The following CCNT1 variants were observed in gnomAD, a reference collection of about 807,000 sequenced individuals.
The protein encoded by CCNT1 is cyclin T1.
CCNT1 carries 18 observed loss-of-function variants against 67.3 expected under a neutral mutation model. The observed-to-expected ratio is 0.27, with a 90% CI of 0.18 to 0.40. CCNT1 has a LOEUF of 0.40. CCNT1 is among the 10% of genes least tolerant of loss of function. The pLI is 1.00. For missense variants in CCNT1, 744 were observed against 884.9 expected, an observed-to-expected ratio of 0.84 and a Z score of 2.02; for synonymous variants, 333 against 310.3, an observed-to-expected ratio of 1.07 and a Z score of -0.77.
Position 48,691,488 on chromosome 12 carries a change from G to A in CCNT1, c.*1545C>T, listed in dbSNP as rs953222125. On this transcript the variant is annotated 3_prime_UTR_variant, in exon 9 of 9. Transcript: ENST00000261900. ...TATCTCATTAAATGATCTCTGGCTA[G>A]GTAGTTTTCAGTGGTTAGACAACTA... 1 of 152,170 alleles carries A rather than the reference G, an allele frequency of 6.6e-6. No homozygotes were observed. Among genetic ancestry groups the A allele is most frequent in the Non-Finnish European group, 1.5e-5 (1 of 68,038 alleles). The allele number at this position is 152,170 out of a possible 1,614,324, so 9.4% of individuals were successfully genotyped here.
rs1393778383 is a variant in CCNT1, at chr12:48,701,072, G to A, written c.374C>T (p.Ala125Val). 1.6e-5 allele frequency: 26 copies of A among 1,579,528 alleles called. No homozygotes were observed. Among genetic ancestry groups the A allele is most frequent in the Non-Finnish European group, 2.2e-5 (26 of 1,157,014 alleles). Residue 125 changes from alanine (A) to valine (V), a missense_variant and splice_region_variant, in exon 4 of 9, where the codon GCT becomes GTT. Transcript: ENST00000261900. ...CAGATCTTGAACTTGTTGCAAATAA[G>A]CCTAAAAGTGAGAAGACAGAAATTA... is the stretch of plus-strand genomic sequence containing the variant. ...QESLPDTRSE[A>V]YLQQVQDLVI...
chr12:48,698,264 G>T, intron 5 of CCNT1, 81 bp from the exon 6 acceptor site: 2 of 1,027,814 alleles, frequency 1.9e-6, no homozygotes, highest in Non-Finnish European at 2.9e-6. Context: ...TATTTAGTAA[G>T]CATTTAATAT....
At position 48,698,300 on chromosome 12, in the gene CCNT1, C is replaced by T. The variant is rs114124849; in HGVS notation, c.497-117G>A. ...TTGCAAGGTACTGTGAATATAGTGG[C>T]AAATGAGACACACATGGTCCCTGTA... On this transcript the variant is annotated intron_variant, in intron 5 of 8. Coordinates refer to ENST00000261900, the MANE Select transcript of CCNT1 (RefSeq NM_001240.4). 501 of 645,434 alleles carry T rather than the reference C, an allele frequency of 7.8e-4. 3 individuals are homozygous for T. In the African/African-American group the frequency reaches 8.4e-3, roughly 11 times the overall value. 40.0% of individuals were successfully genotyped at this position (645,434 alleles called of 1,614,324 possible). A position where few individuals can be genotyped will look rare whatever the true frequency, so the allele number is the denominator to read the frequency against.
At position 48,692,487 on chromosome 12, in the gene CCNT1, C is replaced by A. The variant is rs1383475405; in HGVS notation, c.*546G>T. The stretch of plus-strand genomic sequence containing the variant: ...TCCCACCCACCCTCACACATTCCCA[C>A]CCTCCAATCCCACCCACCAGGAGTT... On this transcript the variant is annotated 3_prime_UTR_variant, in exon 9 of 9. Coordinates refer to ENST00000261900, the MANE Select transcript of CCNT1 (RefSeq NM_001240.4). 1 of 150,428 alleles carries A rather than the reference C, an allele frequency of 6.6e-6. No individual in the cohort carries two copies. 9.3% of individuals were successfully genotyped at this position (150,428 alleles called of 1,614,324 possible). A position where few individuals can be genotyped will look rare whatever the true frequency, so the allele number is the denominator to read the frequency against.
intron 3 of CCNT1, among the ~76,000 whole-genome samples, chr12:48,702,469 C>CT (rs1397186586): frequency 1.3e-5 from 2 of 152,144 alleles, no homozygotes; most frequent in Non-Finnish European, 2.9e-5. Context: ...ATAAAATACA[C>CT]TGGATTTTTT....
chr12:48,702,733 C>G (rs1174677489), intron 3 of CCNT1, among the ~76,000 whole-genome samples: 2 of 151,992 alleles, frequency 1.3e-5, no homozygotes, highest in Non-Finnish European at 2.9e-5. Flanking sequence ...CAGAGAATTT[C>G]TTGAACCTGG....
chr12:48,697,522 T>TAAAAAAAAAAAAAAAA (rs1205232506), intron 6 of CCNT1, among the ~76,000 whole-genome samples: 3 of 116,804 alleles, frequency 2.6e-5, no homozygotes, highest in African/African-American at 1.0e-4. Flanking sequence ...GACTCTGTCT[T>TAAAAAAAAAAAAAAAA]AAAAAAAAAA....
At chr12:48,716,246 T>C (rs1940530277) in intron 1 of CCNT1, among the ~76,000 whole-genome samples, 1 of 151,826 alleles carries the variant, frequency 6.6e-6, no homozygotes, top group Admixed American at 6.6e-5. Flanking sequence ...GAAGACAGAG[T>C]TGGAAGGGCT....
intron 2 of CCNT1, among the ~76,000 whole-genome samples, chr12:48,713,146 ATTTCT>A (rs983531925): frequency 2.0e-5 from 3 of 151,788 alleles, no homozygotes; most frequent in African/African-American, 7.3e-5. Context: ...AAAAAATAAA[ATTTCT>A]TTATTAGTAT....
At chr12:48,699,712 C>G in intron 5 of CCNT1, 66 bp downstream of exon 5, 1 of 1,169,508 alleles carries the variant, frequency 8.6e-7, no homozygotes, top group Non-Finnish European at 1.3e-6. Flanking sequence ...GTATTGTCCA[C>G]CACAAACCAC....
At chr12:48,703,873 C>G (rs1592122845) in intron 3 of CCNT1, among the ~76,000 whole-genome samples, 2 of 151,420 alleles carry the variant, frequency 1.3e-5, no homozygotes, top group East Asian at 3.9e-4. Context: ...CCGCGGTGAG[C>G]CATGATCACA....
chr12:48,712,592 AAAT>A (rs1459573403), intron 2 of CCNT1, among the ~76,000 whole-genome samples: 554 of 43,366 alleles, frequency 0.013, 61 homozygotes, highest in African/African-American at 0.056. Flanking sequence ...AAAAAAAAAA[AAAT>A]AAAAAAAAAA....
Position 48,714,492 on chromosome 12 carries a change from T to C in CCNT1, c.194A>G (p.Tyr65Cys). The C allele has an allele frequency of 6.2e-7, 1 of 1,611,064 alleles. No homozygotes were observed. Among genetic ancestry groups the C allele is most frequent in the Non-Finnish European group, 8.5e-7 (1 of 1,177,394 alleles). The change falls in exon 2 of 9, where the codon TAC (tyrosine) becomes TGC (cysteine). Residue 65 changes from tyrosine to cysteine, a missense_variant. This residue lies in a region of CCNT1 where 142 missense variants were observed against 277.0 expected (regional missense o/e 0.51). Coordinates refer to ENST00000261900, the MANE Select transcript of CCNT1 (RefSeq NM_001240.4). ...CTGAATCATGTAGAATCGATGCATG[T>C]ATACTATAGCAGTGTTGATAGTCAA... ...SQLTINTAIV[Y>C]MHRFYMIQSF...
Position 48,693,642 on chromosome 12 carries a change from G to A in CCNT1, c.1572C>T (p.His524=). 6.2e-7 allele frequency: 1 copy of A among 1,614,178 alleles called. No individual in the cohort carries two copies. The highest frequency in any genetic ancestry group is 1.1e-5 in the South Asian group (1 of 91,078). Residue 524 remains histidine, a synonymous_variant, in exon 9 of 9, where the codon CAC becomes CAT. Coordinates refer to ENST00000261900, the MANE Select transcript of CCNT1 (RefSeq NM_001240.4). The stretch of plus-strand genomic sequence containing the variant: ...GTTGGGAATGAGAGTGCTTGTGTGA[G>A]TGGTGATTATGATGATGATGATGAT... ...PSNHHHHHNH[H]SHKHSHSQLP...
rs781088360 is a variant in CCNT1, at chr12:48,693,563, T to C, written c.1651A>G (p.Thr551Ala). ...RPGDPKHSSQ[T>A]SNLAHKTYSL... ...TAGGTTTTATGTGCTAAGTTGCTTGTCTGGCTACTATGTTTTGGATCACCA... is the reference window on the plus strand; with the variant it reads ...TAGGTTTTATGTGCTAAGTTGCTTGCCTGGCTACTATGTTTTGGATCACCA... Residue 551 changes from threonine (T) to alanine (A), a missense_variant, in exon 9 of 9, where the codon ACA becomes GCA. Transcript: ENST00000261900. The C allele has an allele frequency of 2.5e-6, 4 of 1,614,180 alleles. No individual in the cohort carries two copies. The highest frequency in any genetic ancestry group is 3.4e-6 in the Non-Finnish European group (4 of 1,180,032).
chr12:48,698,987 C>A (rs1226472287), intron 5 of CCNT1, among the ~76,000 whole-genome samples: 1 of 151,890 alleles, frequency 6.6e-6, no homozygotes, highest in East Asian at 1.9e-4. Context: ...AATTAAGTAG[C>A]CCTAATTAAG....
intron 6 of CCNT1, among the ~76,000 whole-genome samples, chr12:48,697,535 AT>A (rs372553404): frequency 0.3 from 30,891 of 101,780 alleles, 4,249 homozygotes; most frequent in East Asian, 0.59. Flanking sequence ...AAAAAAAAAA[AT>A]ATATATATAT....
intron 6 of CCNT1, 142 bp downstream of exon 6, chr12:48,697,996 G>C (rs1940204582): frequency 1.9e-6 from 1 of 515,266 alleles, no homozygotes; most frequent in Non-Finnish European, 3.4e-6. Context: ...AAATTAAAAA[G>C]TACCATGGAA....
In CCNT1 at chr12:48,699,759, A is replaced by G. The variant is rs780502846; in HGVS notation, c.496+19T>C. The G allele has an allele frequency of 2.9e-5, 45 of 1,560,414 alleles. No homozygotes were observed. The highest frequency in any genetic ancestry group is 3.4e-5 in the Non-Finnish European group (39 of 1,133,332). On this transcript the variant is annotated intron_variant, in intron 5 of 8. Coordinates refer to ENST00000261900, the MANE Select transcript of CCNT1 (RefSeq NM_001240.4). Reference sequence around the variant, plus strand: ...GGGAAAACAGCTTGAGATAGTCTTCATAAGCTGGGATTCCTTACCTCGAAC... The same window carrying G: ...GGGAAAACAGCTTGAGATAGTCTTCGTAAGCTGGGATTCCTTACCTCGAAC...
Sources: allele counts gnomAD v4.1 joint callset (sites outside exome capture counted in the v4.1 genomes callset), GRCh38; gene constraint gnomAD v4.1.1; regional missense constraint gnomAD v4.1.1; transcripts MANE v1.5; gene names NCBI Gene and HGNC (gene_info 2026-07-23, HGNC 2026-07-21).